MYO16: variants seen among roughly 807,000 people sequenced by gnomAD.
The protein encoded by MYO16 is unconventional myosin-XVI.
A neutral mutation model predicts 205.3 loss-of-function variants in MYO16; 94 were observed. The ratio of observed to expected loss-of-function variants is 0.46; its 90% confidence interval spans 0.39 to 0.54. MYO16 has a LOEUF of 0.54. Ranked by LOEUF, MYO16 falls within the 20% of genes least tolerant of loss-of-function variation. MYO16 has a pLI of 0.00. For synonymous variants in MYO16, 988 were observed against 954.0 expected, an observed-to-expected ratio of 1.04 and a Z score of -0.66; for missense variants, 2,315 against 2,387.5, an observed-to-expected ratio of 0.97 and a Z score of 0.63.
chr13:108,705,064 T>C (rs555352935), intron 2 of MYO16, among the ~76,000 whole-genome samples: 1 of 133,940 alleles, frequency 7.5e-6, no homozygotes, highest in African/African-American at 2.7e-5. Flanking sequence ...TTTAGGTACC[T>C]ATGATCAATC....
chr13:108,798,830 C>G (rs1191355759), intron 6 of MYO16, among the ~76,000 whole-genome samples: 3 of 147,260 alleles, frequency 2.0e-5, no homozygotes, highest in East Asian at 2.0e-4. Flanking sequence ...CTCAGCCTCC[C>G]GAGTAGCTGG....
chr13:109,014,376 G>A (rs1015608633), intron 22 of MYO16, among the ~76,000 whole-genome samples: 5 of 152,174 alleles, frequency 3.3e-5, no homozygotes, highest in Admixed American at 3.3e-4. Flanking sequence ...TAGCCTTGTA[G>A]TATACTTTGA....
rs529090169 is a variant in MYO16, at chr13:109,027,347, T to A, written c.2796+7436T>A. Among the ~76,000 whole-genome samples the A allele has an allele frequency of 4.6e-5, 7 of 152,330 alleles. No homozygotes were observed. In the East Asian group the frequency reaches 1.2e-3, roughly 25 times the overall value. Reference sequence around the variant, plus strand: ...ACAAAGACCCTATTGCCAAATAAGGTCATATTCTGTTGATCTGGGTGGACG... The same window carrying A: ...ACAAAGACCCTATTGCCAAATAAGGACATATTCTGTTGATCTGGGTGGACG... On this transcript the variant is annotated intron_variant, in intron 23 of 34. Coordinates refer to ENST00000457511, the MANE Select transcript of MYO16 (RefSeq NM_001198950.3).
intron 27 of MYO16, among the ~76,000 whole-genome samples, chr13:109,081,413 T>G (rs530035214): frequency 9.2e-5 from 14 of 152,290 alleles, no homozygotes; most frequent in Non-Finnish European, 1.9e-4. Context: ...GATGTTATTC[T>G]ACATGTTGAG....
At chr13:108,795,273 C>T (rs1296293498) in intron 6 of MYO16, among the ~76,000 whole-genome samples, 1 of 151,600 alleles carries the variant, frequency 6.6e-6, no homozygotes, top group Non-Finnish European at 1.5e-5. Context: ...CTCACTGCAA[C>T]CTCCACCTCC....
intron 2 of MYO16, among the ~76,000 whole-genome samples, chr13:108,677,476 A>G (rs1481211395): frequency 4.0e-5 from 6 of 151,260 alleles, no homozygotes; most frequent in Admixed American, 1.3e-4. Flanking sequence ...ACCTATGTAT[A>G]TATGATATAT....
At position 109,106,467 on chromosome 13, in the gene MYO16, GC is replaced by G. The variant is rs199762672; in HGVS notation, c.3438+5581del. On this transcript the variant is annotated intron_variant, in intron 28 of 34. Transcript: ENST00000457511. Reference sequence around the variant, plus strand: ...CAGCAGTTAGGCCCCTGTGGAACATGCTTGTTTTTCATGTTATATCATTTAT... The same window carrying G: ...CAGCAGTTAGGCCCCTGTGGAACATGTTGTTTTTCATGTTATATCATTTAT... 5.7e-3 allele frequency among the ~76,000 whole-genome samples: 865 copies of G among 152,240 alleles called. 10 individuals are homozygous for G. The highest frequency in any genetic ancestry group is 0.02 in the African/African-American group (819 of 41,536).
chr13:108,673,097 G>A (rs1882058765), intron 2 of MYO16, among the ~76,000 whole-genome samples: 1 of 151,524 alleles, frequency 6.6e-6, no homozygotes, highest in Non-Finnish European at 1.5e-5. Context: ...CTTTGAAGAA[G>A]AAACTGCTAC....
intron 23 of MYO16, among the ~76,000 whole-genome samples, chr13:109,029,580 CT>C (rs1886485562): frequency 6.6e-6 from 1 of 152,124 alleles, no homozygotes; most frequent in South Asian, 2.1e-4. Flanking sequence ...TGTTTCTCTC[CT>C]TTTCTCCAGG....
At chr13:108,562,183 C>T in the MYO16 span, among the ~76,000 whole-genome samples, 1 of 152,068 alleles carries the variant, frequency 6.6e-6, no homozygotes, top group Non-Finnish European at 1.5e-5. Context: ...CTCTTCAGGG[C>T]TGCAGCCAAC....
intron 16 of MYO16, among the ~76,000 whole-genome samples, chr13:108,930,143 T>C (rs1300267211): frequency 6.6e-6 from 1 of 152,208 alleles, no homozygotes; most frequent in Non-Finnish European, 1.5e-5. Flanking sequence ...TCATTCTTAC[T>C]TCACCAAATA....
In MYO16 at chr13:108,929,466, A is replaced by C. The variant is rs1455048268; in HGVS notation, c.1925+19316A>C. Among the ~76,000 whole-genome samples the C allele has an allele frequency of 3.3e-5, 5 of 152,356 alleles. No homozygotes were observed. The East Asian group carries it at 9.6e-4, about 29-fold the overall frequency. On this transcript the variant is annotated intron_variant, in intron 16 of 34. Transcript: ENST00000457511. Reference sequence around the variant, plus strand: ...TATGAAAATAGACACACACACTCCTAATGAGGGTTTAAATTAGTACAACTA... The same window carrying C: ...TATGAAAATAGACACACACACTCCTCATGAGGGTTTAAATTAGTACAACTA...
At chr13:109,085,969 A>C (rs1014812507) in intron 27 of MYO16, among the ~76,000 whole-genome samples, 4 of 152,198 alleles carry the variant, frequency 2.6e-5, no homozygotes, top group African/African-American at 9.7e-5. Flanking sequence ...GCTTTGATAA[A>C]GTGGGGTGCC....
intron 1 of MYO16, among the ~76,000 whole-genome samples, chr13:108,599,615 C>T (rs4433670): frequency 5.3e-5 from 8 of 151,994 alleles, no homozygotes; most frequent in African/African-American, 7.3e-5. Context: ...GCCCTCCATC[C>T]GTATGTTTGG....
chr13:108,653,752 C>T (rs947710773), intron 1 of MYO16, among the ~76,000 whole-genome samples: 58 of 150,872 alleles, frequency 3.8e-4, no homozygotes, highest in African/African-American at 1.4e-3. Context: ...GATATATATG[C>T]TTATATGCAC....
At chr13:108,879,189 T>G (rs1015512517) in intron 12 of MYO16, among the ~76,000 whole-genome samples, 4 of 152,226 alleles carry the variant, frequency 2.6e-5, no homozygotes, top group African/African-American at 9.6e-5. Context: ...TTGTACTTGA[T>G]GTAAGTGAAG....
the MYO16 span, among the ~76,000 whole-genome samples, chr13:108,520,938 C>T: frequency 6.6e-6 from 1 of 152,112 alleles, no homozygotes; most frequent in East Asian, 1.9e-4. Context: ...TGGGTGATTC[C>T]CATCTTCCAC....
At chr13:108,505,400 T>C in the MYO16 span, among the ~76,000 whole-genome samples, 1 of 152,224 alleles carries the variant, frequency 6.6e-6, no homozygotes, top group Admixed American at 6.5e-5. Flanking sequence ...CATTGTGGTT[T>C]TAATTTGCAT....
chr13:108,955,628 G>T (rs1883319859), intron 16 of MYO16, among the ~76,000 whole-genome samples: 2 of 152,208 alleles, frequency 1.3e-5, no homozygotes, highest in African/African-American at 4.8e-5. Context: ...GCCAAGGCGG[G>T]TGGATCACGA....
Sources: allele counts gnomAD v4.1 joint callset (sites outside exome capture counted in the v4.1 genomes callset), GRCh38; gene constraint gnomAD v4.1.1; transcripts MANE v1.5; gene names NCBI Gene and HGNC (gene_info 2026-07-23, HGNC 2026-07-21).